The following GRIN2A variants were observed in gnomAD, a reference collection of about 807,000 sequenced individuals.
GRIN2A encodes the protein glutamate receptor ionotropic, NMDA 2A.
In GRIN2A, 22 loss-of-function variants were observed where a neutral mutation model predicts 113.4. The observed-to-expected ratio is 0.19, with a 90% confidence interval of 0.14 to 0.28. The LOEUF (loss-of-function observed/expected upper bound fraction) is 0.28. Ranked by LOEUF, GRIN2A falls within the 10% of genes least tolerant of loss-of-function variation. GRIN2A has a pLI of 1.00. For missense variants in GRIN2A, 1,502 were observed against 1,887.0 expected, an observed-to-expected ratio of 0.80 and a Z score of 3.78; for synonymous variants, 827 against 738.4, an observed-to-expected ratio of 1.12 and a Z score of -1.94.
intron 2 of GRIN2A, among the ~76,000 whole-genome samples, chr16:10,032,118 T>A (rs1042696923): frequency 9.2e-5 from 14 of 152,198 alleles, no homozygotes; most frequent in Non-Finnish European, 2.1e-4. Flanking sequence ...CAGATTCACA[T>A]GAGCAGAAAC....
chr16:10,020,026 T>A (rs1021858452), intron 2 of GRIN2A, among the ~76,000 whole-genome samples: 2 of 152,186 alleles, frequency 1.3e-5, no homozygotes, highest in African/African-American at 4.8e-5. Context: ...TACACACTCA[T>A]CAAAACATCA....
At chr16:10,074,378 T>C (rs1567279682) in intron 2 of GRIN2A, among the ~76,000 whole-genome samples, 1 of 152,222 alleles carries the variant, frequency 6.6e-6, no homozygotes, top group African/African-American at 2.4e-5. Context: ...TTTCTAGGTA[T>C]GTATATACCC....
chr16:9,768,539 A>G (rs374505605), intron 12 of GRIN2A, among the ~76,000 whole-genome samples: 6 of 152,178 alleles, frequency 3.9e-5, no homozygotes, highest in African/African-American at 1.4e-4. Context: ...ACATCATGCA[A>G]TTGGCCACAG....
At chr16:9,841,777 G>C (rs543447875) in intron 5 of GRIN2A, among the ~76,000 whole-genome samples, 1 of 152,216 alleles carries the variant, frequency 6.6e-6, no homozygotes, top group East Asian at 1.9e-4. Flanking sequence ...AGTATAAAAG[G>C]AGACACTTCT....
intron 2 of GRIN2A, among the ~76,000 whole-genome samples, chr16:10,124,670 CCATT>C (rs746508985): frequency 2.0e-5 from 3 of 152,092 alleles, no homozygotes; most frequent in Non-Finnish European, 4.4e-5. Context: ...AGAGAGCTAT[CCATT>C]CATTCATTCA....
At chr16:10,126,408 A>C (rs1163181294) in intron 2 of GRIN2A, among the ~76,000 whole-genome samples, 1 of 151,624 alleles carries the variant, frequency 6.6e-6, no homozygotes. Flanking sequence ...CTCAAGCAAC[A>C]CTCCTGCCAC....
At chr16:10,041,374 T>A (rs2047164279) in intron 2 of GRIN2A, among the ~76,000 whole-genome samples, 1 of 152,188 alleles carries the variant, frequency 6.6e-6, no homozygotes, top group African/African-American at 2.4e-5. Flanking sequence ...CTGTAAAGGT[T>A]CAATAAAATG....
intron 3 of GRIN2A, among the ~76,000 whole-genome samples, chr16:9,937,486 T>A (rs2044738572): frequency 6.6e-6 from 1 of 152,086 alleles, no homozygotes; most frequent in Admixed American, 6.5e-5. Context: ...TATATATACC[T>A]ACTATGTACC....
At chr16:9,895,840 G>T (rs2043794678) in intron 3 of GRIN2A, among the ~76,000 whole-genome samples, 1 of 152,096 alleles carries the variant, frequency 6.6e-6, no homozygotes, top group African/African-American at 2.4e-5. Flanking sequence ...CAACACTTTG[G>T]GGTGAATGTA....
intron 3 of GRIN2A, among the ~76,000 whole-genome samples, chr16:9,917,498 G>C (rs549147561): frequency 1.8e-4 from 27 of 152,338 alleles, no homozygotes; most frequent in South Asian, 1.7e-3. Context: ...TCTCAAAGGA[G>C]GATAATATCG....
intron 2 of GRIN2A, among the ~76,000 whole-genome samples, chr16:10,101,312 T>C (rs938156509): frequency 3.9e-5 from 6 of 152,216 alleles, no homozygotes; most frequent in African/African-American, 1.4e-4. Flanking sequence ...TCTCAGCATC[T>C]GTTTCCTGGA....
chr16:10,098,323 G>A (rs1440456906), intron 2 of GRIN2A, among the ~76,000 whole-genome samples: 1 of 152,170 alleles, frequency 6.6e-6, no homozygotes, highest in African/African-American at 2.4e-5. Context: ...GCATGGATGT[G>A]GTGAAAAGGA....
Position 9,763,219 on chromosome 16 carries a change from G to A in GRIN2A, c.4325C>T (p.Pro1442Leu). 2 of 1,613,872 alleles carry A rather than the reference G, an allele frequency of 1.2e-6. No individual in the cohort carries two copies. Residue 1442 changes from proline to leucine, a missense_variant, in exon 13 of 13, where the codon CCC becomes CTC. Physicochemically the swap from Pro to Leu is moderately conservative, Grantham distance 98. Coordinates refer to ENST00000330684, the MANE Select transcript of GRIN2A (RefSeq NM_001134407.3). The part of the protein sequence containing the change: ...AANKNNMYST[P>L]RVLNSCSNRR... ...ATTGCTGCAGGAATTTAAAACCCTGGGGGTAGAGTACATATTATTCTTATT... is the reference window on the plus strand; with the variant it reads ...ATTGCTGCAGGAATTTAAAACCCTGAGGGTAGAGTACATATTATTCTTATT...
intron 2 of GRIN2A, among the ~76,000 whole-genome samples, chr16:10,016,216 C>T (rs1407358719): frequency 6.6e-6 from 1 of 151,856 alleles, no homozygotes; most frequent in Admixed American, 6.6e-5. Context: ...CTAATTCAGC[C>T]TGCAATGGTG....
At chr16:9,835,103 C>T (rs1205307242) in intron 7 of GRIN2A, among the ~76,000 whole-genome samples, 1 of 152,120 alleles carries the variant, frequency 6.6e-6, no homozygotes, top group Non-Finnish European at 1.5e-5. Flanking sequence ...TTATAATCTA[C>T]CACACTCTCC....
chr16:9,981,041 AAAGAG>A (rs897349466), intron 2 of GRIN2A, among the ~76,000 whole-genome samples: 5 of 151,706 alleles, frequency 3.3e-5, no homozygotes, highest in African/African-American at 9.7e-5. Context: ...AGGAAAAAAA[AAAGAG>A]AGAGAGAGAG....
chr16:9,804,837 G>A (rs1315911436), intron 10 of GRIN2A, among the ~76,000 whole-genome samples: 3 of 152,174 alleles, frequency 2.0e-5, no homozygotes. Flanking sequence ...ATCACCGGCA[G>A]TCCTCAAGGA....
At chr16:9,949,804 A>T (rs1476847497) in intron 2 of GRIN2A, among the ~76,000 whole-genome samples, 3 of 152,176 alleles carry the variant, frequency 2.0e-5, no homozygotes, top group Non-Finnish European at 4.4e-5. Flanking sequence ...TGGATGTGAC[A>T]TGAGTTGTGG....
rs529660959 is a variant in GRIN2A at position 9,861,440 on chromosome 16, G to T, written c.1123-11479C>A. Among the ~76,000 whole-genome samples, 5 of 151,602 alleles carry T rather than the reference G, an allele frequency of 3.3e-5. 1 individual carries two copies. The highest frequency in any genetic ancestry group is 1.2e-4 in the African/African-American group (5 of 41,000). ...CATGGATTAGCATCACTTCCATGCCGCTGAATGCACATCTGACACACAAAC... is the reference window on the plus strand; with the variant it reads ...CATGGATTAGCATCACTTCCATGCCTCTGAATGCACATCTGACACACAAAC... On this transcript the variant is annotated intron_variant, in intron 4 of 12. Coordinates refer to ENST00000330684, the MANE Select transcript of GRIN2A (RefSeq NM_001134407.3).
Sources: gnomAD v4.1 joint callset for allele counts (sites outside exome capture counted in the v4.1 genomes callset) on GRCh38, gnomAD v4.1.1 for gene constraint, MANE v1.5 for transcripts, NCBI Gene and HGNC (gene_info 2026-07-23, HGNC 2026-07-21) for gene names.